The following CSMD1 variants were observed in gnomAD, a reference collection of about 807,000 sequenced individuals.
CSMD1 encodes CUB and Sushi multiple domains 1, also known as CUB and sushi domain-containing protein 1.
CSMD1 carries 213 observed loss-of-function variants against 417.5 expected under a neutral mutation model. The ratio of observed to expected loss-of-function variants is 0.51; its 90% CI spans 0.46 to 0.57. CSMD1 has a LOEUF of 0.57. Ranked by LOEUF, CSMD1 falls within the 20% of genes least tolerant of loss-of-function variation. The probability of loss-of-function intolerance (pLI) is 0.00; values close to 1 mark genes in which losing one functional copy is unlikely to be tolerated. For missense variants in CSMD1, 6,923 were observed against 4,529.7 expected, an observed-to-expected ratio of 1.53 and a Z score of -15.17; for synonymous variants, 2,862 against 1,736.8, an observed-to-expected ratio of 1.65 and a Z score of -16.11.
chr8:3,346,345 G>A (rs1807993350), intron 22 of CSMD1, among the ~76,000 whole-genome samples: 1 of 152,124 alleles, frequency 6.6e-6, no homozygotes, highest in South Asian at 2.1e-4. Context: ...CTGCACTAAA[G>A]TATAGTTAAG....
chr8:3,935,602 G>T (rs1230101926), intron 5 of CSMD1, among the ~76,000 whole-genome samples: 1 of 152,036 alleles, frequency 6.6e-6, no homozygotes, highest in Non-Finnish European at 1.5e-5. Flanking sequence ...AATTTTTGTT[G>T]TAACTATTGT....
chr8:4,150,425 G>A (rs184731791), intron 3 of CSMD1, among the ~76,000 whole-genome samples: 99 of 152,276 alleles, frequency 6.5e-4, no homozygotes, highest in African/African-American at 1.9e-3. Context: ...TTGGATGGCA[G>A]GCTTTTGACA....
chr8:4,797,696 A>G (rs555227175), intron 1 of CSMD1, among the ~76,000 whole-genome samples: 6 of 152,354 alleles, frequency 3.9e-5, no homozygotes, highest in African/African-American at 1.2e-4. Context: ...CTTAAGATTC[A>G]CAAGCAACAA....
intron 3 of CSMD1, among the ~76,000 whole-genome samples, chr8:4,215,841 G>C (rs966020340): frequency 2.0e-5 from 3 of 152,074 alleles, no homozygotes; most frequent in Non-Finnish European, 4.4e-5. Context: ...GCATGGAAAA[G>C]GCAGGGTTTA....
chr8:3,290,259 G>T lies in CSMD1; in HGVS notation c.3951-5913C>A, dbSNP rs187539280. Among the ~76,000 whole-genome samples, 108 of 147,258 alleles carry T rather than the reference G, an allele frequency of 7.3e-4. 4 individuals are homozygous for T. Among genetic ancestry groups the T allele is most frequent in the Admixed American group, 1.9e-3 (29 of 15,002 alleles). The stretch of plus-strand genomic sequence containing the variant: ...GTAGTGTAGTATGAAGTCAGGTAGC[G>T]TGATGCCTCCAGCTTTGTTCTTTTG... On this transcript the variant is annotated intron_variant, in intron 25 of 69. Coordinates refer to ENST00000635120, the MANE Select transcript of CSMD1 (RefSeq NM_033225.6).
intron 20 of CSMD1, among the ~76,000 whole-genome samples, chr8:3,361,482 A>C (rs1470235900): frequency 1.3e-5 from 2 of 151,652 alleles, no homozygotes; most frequent in East Asian, 3.9e-4. Flanking sequence ...AAATAAAATA[A>C]AATAAAAAAT....
chr8:4,161,060 G>C (rs754753443), intron 3 of CSMD1, among the ~76,000 whole-genome samples: 1 of 151,660 alleles, frequency 6.6e-6, no homozygotes, highest in Admixed American at 6.6e-5. Context: ...AGCAGTCCCA[G>C]ATTTGCAGGA....
intron 5 of CSMD1, among the ~76,000 whole-genome samples, chr8:3,770,227 G>A (rs532021609): frequency 2.0e-4 from 30 of 152,234 alleles, no homozygotes; most frequent in South Asian, 6.2e-4. Flanking sequence ...TCTTTCCTTG[G>A]TGCAAGAAAA....
intron 26 of CSMD1, among the ~76,000 whole-genome samples, chr8:3,264,763 G>A (rs777155516): frequency 6.6e-6 from 1 of 152,068 alleles, no homozygotes; most frequent in Non-Finnish European, 1.5e-5. Flanking sequence ...AGGGTACATA[G>A]CTAGTAAAGA....
chr8:3,659,320 C>A (rs372991914), intron 7 of CSMD1, among the ~76,000 whole-genome samples: 1 of 152,238 alleles, frequency 6.6e-6, no homozygotes, highest in East Asian at 1.9e-4. Context: ...GTTATTGTTA[C>A]AAAGAAACAA....
intron 1 of CSMD1, among the ~76,000 whole-genome samples, chr8:4,820,940 T>C (rs1346668147): frequency 3.7e-4 from 57 of 152,186 alleles, no homozygotes; most frequent in Admixed American, 3.7e-3. Context: ...TGCTTCCATC[T>C]TTCCTCAAGC....
chr8:3,892,804 C>G (rs760937950), intron 5 of CSMD1, among the ~76,000 whole-genome samples: 3 of 142,988 alleles, frequency 2.1e-5, no homozygotes, highest in Admixed American at 7.4e-5. Context: ...TCTACGTGAA[C>G]TCAGGTGAGC....
chr8:3,107,861 T>C, intron 44 of CSMD1, 63 bp from the exon 45 acceptor site: 3 of 1,012,108 alleles, frequency 3.0e-6, no homozygotes, highest in Non-Finnish European at 1.5e-6. Context: ...AACACAACTA[T>C]TACAAAACAT....
intron 3 of CSMD1, among the ~76,000 whole-genome samples, chr8:4,293,031 G>A (rs906989437): frequency 3.9e-5 from 6 of 152,194 alleles, no homozygotes; most frequent in Admixed American, 1.3e-4. Flanking sequence ...GTGTGGTTAT[G>A]GCTTGAGAAG....
chr8:4,553,943 G>A (rs1425244929), intron 2 of CSMD1, among the ~76,000 whole-genome samples: 1 of 152,154 alleles, frequency 6.6e-6, no homozygotes, highest in Non-Finnish European at 1.5e-5. Context: ...TCAATGTGAA[G>A]GAGTCCATTT....
At chr8:3,424,801 G>C (rs1290158822) in intron 12 of CSMD1, among the ~76,000 whole-genome samples, 1 of 152,162 alleles carries the variant, frequency 6.6e-6, no homozygotes, top group Non-Finnish European at 1.5e-5. Flanking sequence ...TTGCCCAAGA[G>C]TAATGAAATT....
chr8:3,305,165 G>A (rs916974426), intron 25 of CSMD1, among the ~76,000 whole-genome samples: 2 of 152,162 alleles, frequency 1.3e-5, no homozygotes, highest in African/African-American at 2.4e-5. Flanking sequence ...GATGACAGGT[G>A]TGAGCCGCTA....
intron 3 of CSMD1, among the ~76,000 whole-genome samples, chr8:4,413,355 C>G (rs184219800): frequency 1.3e-5 from 2 of 152,108 alleles, no homozygotes; most frequent in South Asian, 2.1e-4. Context: ...ATCATTCATT[C>G]TTTTATCCGA....
intron 30 of CSMD1, among the ~76,000 whole-genome samples, chr8:3,214,038 G>T (rs185166012): frequency 6.6e-6 from 1 of 151,914 alleles, no homozygotes; most frequent in Admixed American, 6.6e-5. Context: ...CGGAGACAGG[G>T]TTTCACCATC....
Sources: gnomAD v4.1 joint callset for allele counts (sites outside exome capture counted in the v4.1 genomes callset) on GRCh38, gnomAD v4.1.1 for gene constraint, MANE v1.5 for transcripts, NCBI Gene and HGNC (gene_info 2026-07-23, HGNC 2026-07-21) for gene names.